GRIK1: variants seen among roughly 807,000 people sequenced by gnomAD.
GRIK1 encodes the protein glutamate receptor ionotropic, kainate 1.
In GRIK1, 69 loss-of-function variants were observed where a neutral mutation model predicts 105.7. The observed-to-expected ratio is 0.65, with a 90% CI of 0.54 to 0.80. The LOEUF is 0.80. GRIK1 is among the 30% of genes least tolerant of loss of function. The pLI, the probability that GRIK1 is intolerant of heterozygous loss-of-function variation, is 0.00. For missense variants in GRIK1, 1,109 were observed against 1,167.3 expected, an observed-to-expected ratio of 0.95 and a Z score of 0.73; for synonymous variants, 438 against 431.3, an observed-to-expected ratio of 1.02 and a Z score of -0.19.
intron 1 of GRIK1, among the ~76,000 whole-genome samples, chr21:29,860,509 T>C (rs1327801049): frequency 6.6e-6 from 1 of 152,208 alleles, no homozygotes; most frequent in Non-Finnish European, 1.5e-5. Context: ...CCTGAATGAC[T>C]TGAACCACAG....
At chr21:29,593,841 A>G (rs1395117698) in intron 9 of GRIK1, among the ~76,000 whole-genome samples, 2 of 152,174 alleles carry the variant, frequency 1.3e-5, no homozygotes, top group African/African-American at 2.4e-5. Context: ...TAAAACTTGA[A>G]CTTGTAGACA....
At chr21:29,601,154 C>A in intron 7 of GRIK1, 1 of 470,226 alleles carries the variant, frequency 2.1e-6, no homozygotes, top group Non-Finnish European at 4.5e-6. Context: ...TGAGTGGGTA[C>A]CATTCAATTC....
intron 1 of GRIK1, among the ~76,000 whole-genome samples, chr21:29,743,012 G>A (rs2064966386): frequency 1.3e-5 from 2 of 150,932 alleles, no homozygotes; most frequent in Admixed American, 6.6e-5. Flanking sequence ...ATGGTTTCAC[G>A]CTGGATGGGG....
chr21:29,698,881 G>A (rs1568989006), intron 1 of GRIK1, among the ~76,000 whole-genome samples: 1 of 152,296 alleles, frequency 6.6e-6, no homozygotes, highest in Non-Finnish European at 1.5e-5. Context: ...AAAATGATAA[G>A]GGTAAAATCA....
At chr21:29,748,923 T>G (rs995381617) in intron 1 of GRIK1, 21 of 152,340 alleles carry the variant, frequency 1.4e-4, no homozygotes, top group African/African-American at 5.1e-4. Context: ...CTGATCCTAA[T>G]TCGATCTGGA....
intron 7 of GRIK1, among the ~76,000 whole-genome samples, chr21:29,628,628 A>G (rs553685592): frequency 2.4e-4 from 37 of 152,304 alleles, no homozygotes; most frequent in Non-Finnish European, 4.9e-4. Flanking sequence ...GTTTTCTGAA[A>G]TGGAATAAAT....
chr21:29,612,831 TACAA>T (rs1177960297), intron 7 of GRIK1, among the ~76,000 whole-genome samples: 2 of 152,212 alleles, frequency 1.3e-5, no homozygotes, highest in Admixed American at 6.5e-5. Context: ...ACATATTGTT[TACAA>T]ACAAATTTTA....
At chr21:29,740,420 G>A (rs2064898454) in intron 1 of GRIK1, among the ~76,000 whole-genome samples, 1 of 152,094 alleles carries the variant, frequency 6.6e-6, no homozygotes, top group Non-Finnish European at 1.5e-5. Context: ...GTTTCACCAT[G>A]GTGGCCAGGA....
intron 1 of GRIK1, among the ~76,000 whole-genome samples, chr21:29,890,772 T>C (rs960630714): frequency 6.6e-6 from 1 of 152,060 alleles, no homozygotes; most frequent in Non-Finnish European, 1.5e-5. Context: ...GAAACACACA[T>C]ACATAGACAC....
At chr21:29,908,644 G>A (rs965603264) in intron 1 of GRIK1, among the ~76,000 whole-genome samples, 6 of 152,188 alleles carry the variant, frequency 3.9e-5, no homozygotes, top group African/African-American at 1.2e-4. Flanking sequence ...ATTTCATGAT[G>A]TCTGGTCAAT....
At chr21:29,785,059 C>T (rs943141066) in intron 1 of GRIK1, among the ~76,000 whole-genome samples, 10 of 152,172 alleles carry the variant, frequency 6.6e-5, no homozygotes, top group Non-Finnish European at 1.2e-4. Context: ...TTAGTCAATT[C>T]ATAAACAATT....
intron 1 of GRIK1, among the ~76,000 whole-genome samples, chr21:29,788,423 A>T (rs2066321057): frequency 6.6e-6 from 1 of 152,172 alleles, no homozygotes; most frequent in Non-Finnish European, 1.5e-5. Context: ...GAACCTAAGG[A>T]GGCCAGTGAG....
At chr21:29,880,642 T>C (rs910575040) in intron 1 of GRIK1, among the ~76,000 whole-genome samples, 1 of 152,172 alleles carries the variant, frequency 6.6e-6, no homozygotes, top group African/African-American at 2.4e-5. Flanking sequence ...GATTGCCAAG[T>C]AGCATATTGT....
intron 1 of GRIK1, among the ~76,000 whole-genome samples, chr21:29,727,516 C>A (rs1167122051): frequency 6.6e-6 from 1 of 152,098 alleles, no homozygotes; most frequent in African/African-American, 2.4e-5. Flanking sequence ...AGGAGAGGGC[C>A]AGGCCACCCA....
intron 1 of GRIK1, among the ~76,000 whole-genome samples, chr21:29,694,302 T>C (rs1722774965): frequency 6.6e-6 from 1 of 151,938 alleles, no homozygotes; most frequent in South Asian, 2.1e-4. Flanking sequence ...TATTATATTA[T>C]TAGTAGAGAT....
chr21:29,809,818 C>T (rs1248717230), intron 1 of GRIK1, among the ~76,000 whole-genome samples: 1 of 152,096 alleles, frequency 6.6e-6, no homozygotes, highest in Non-Finnish European at 1.5e-5. Flanking sequence ...CACCTAGAGG[C>T]CATTGTAGGG....
At chr21:29,623,536 A>C (rs970513444) in intron 7 of GRIK1, among the ~76,000 whole-genome samples, 1 of 151,834 alleles carries the variant, frequency 6.6e-6, no homozygotes, top group Non-Finnish European at 1.5e-5. Context: ...AGGTTGTCTC[A>C]TTCCAAAGAC....
intron 1 of GRIK1, among the ~76,000 whole-genome samples, chr21:29,700,602 CT>C (rs890489477): frequency 2.6e-5 from 4 of 151,146 alleles, no homozygotes; most frequent in East Asian, 3.9e-4. Flanking sequence ...CACTGATTGA[CT>C]TTTTTTTTAG....
At chr21:29,625,297 G>A (rs1427217774) in intron 7 of GRIK1, among the ~76,000 whole-genome samples, 1 of 152,194 alleles carries the variant, frequency 6.6e-6, no homozygotes, top group Non-Finnish European at 1.5e-5. Context: ...GGAAGTGAAT[G>A]TGAGAAGTAA....
Sources: allele counts gnomAD v4.1 joint callset (sites outside exome capture counted in the v4.1 genomes callset), GRCh38; gene constraint gnomAD v4.1.1; transcripts MANE v1.5; gene names NCBI Gene and HGNC (gene_info 2026-07-23, HGNC 2026-07-21).